LYPD6: variants seen among roughly 807,000 people sequenced by gnomAD.
LYPD6 encodes the protein LY6/PLAUR domain containing 6, also known as ly6/PLAUR domain-containing protein 6.
LYPD6 carries 15 observed loss-of-function variants against 22.7 expected under a neutral mutation model. The ratio of observed to expected loss-of-function variants is 0.66; its 90% confidence interval spans 0.44 to 1.02. LYPD6 has a LOEUF of 1.02. Ranked by LOEUF, LYPD6 falls within the 50% of genes least tolerant of loss-of-function variation. The pLI is 0.00. For synonymous variants in LYPD6, 72 were observed against 77.5 expected, an observed-to-expected ratio of 0.93 and a Z score of 0.37; for missense variants, 189 against 208.4, an observed-to-expected ratio of 0.91 and a Z score of 0.57.
At chr2:149,379,838 A>G (rs901156397) in intron 1 of LYPD6, among the ~76,000 whole-genome samples, 1 of 152,274 alleles carries the variant, frequency 6.6e-6, no homozygotes, top group African/African-American at 2.4e-5. Context: ...GTGAACAAAC[A>G]GAATCCCTAC....
intron 1 of LYPD6, among the ~76,000 whole-genome samples, chr2:149,401,933 C>G (rs1466977905): frequency 6.6e-6 from 1 of 151,906 alleles, no homozygotes; most frequent in Non-Finnish European, 1.5e-5. Flanking sequence ...CATAACTTAG[C>G]TCCAACATAT....
chr2:149,372,014 C>T (rs1681821200), intron 1 of LYPD6, among the ~76,000 whole-genome samples: 1 of 152,106 alleles, frequency 6.6e-6, no homozygotes, highest in South Asian at 2.1e-4. Flanking sequence ...TCAGGTGGCA[C>T]AATAACTTAT....
At chr2:149,364,830 G>T (rs1228353524) in intron 1 of LYPD6, among the ~76,000 whole-genome samples, 1 of 152,006 alleles carries the variant, frequency 6.6e-6, no homozygotes, top group African/African-American at 2.4e-5. Flanking sequence ...CATATCTCAC[G>T]GCAACTTTGT....
chr2:149,448,474 A>C (rs1196922765), intron 2 of LYPD6, among the ~76,000 whole-genome samples: 1 of 152,174 alleles, frequency 6.6e-6, no homozygotes, highest in Non-Finnish European at 1.5e-5. Flanking sequence ...GAGTTGAGAC[A>C]CTGAAGAATT....
chr2:149,483,179 G>C, the LYPD6 span, among the ~76,000 whole-genome samples: 1 of 152,194 alleles, frequency 6.6e-6, no homozygotes, highest in Non-Finnish European at 1.5e-5. Flanking sequence ...GCCTTTGTCT[G>C]GCACTCCAGC....
At chr2:149,452,679 C>A (rs942464499) in intron 3 of LYPD6, among the ~76,000 whole-genome samples, 2 of 152,170 alleles carry the variant, frequency 1.3e-5, no homozygotes, top group Non-Finnish European at 2.9e-5. Context: ...GTGCACACCC[C>A]AAATTGCTTA....
intron 3 of LYPD6, among the ~76,000 whole-genome samples, chr2:149,467,225 C>A (rs967743610): frequency 2.6e-5 from 4 of 152,180 alleles, no homozygotes; most frequent in Admixed American, 6.5e-5. Context: ...GGACCCTGGG[C>A]AACCTTGGAG....
intron 1 of LYPD6, among the ~76,000 whole-genome samples, chr2:149,395,201 A>G (rs1192840230): frequency 1.3e-5 from 2 of 152,018 alleles, no homozygotes; most frequent in Non-Finnish European, 2.9e-5. Flanking sequence ...TGTCACGTAG[A>G]AGCTTCTGTT....
Position 149,410,821 on chromosome 2 carries a change from A to G in LYPD6, c.-71-26817A>G, listed in dbSNP as rs73964417. On this transcript the variant is annotated intron_variant, in intron 1 of 4. Coordinates refer to ENST00000334166, the MANE Select transcript of LYPD6 (RefSeq NM_194317.5). ...AGGTGATGTGTAATACATTTGCATT[A>G]TGAAGGGCCCAGGCAAGTACAATAC... Among the ~76,000 whole-genome samples, 748 of 152,344 alleles carry G rather than the reference A, an allele frequency of 4.9e-3. 6 individuals carry two copies. Among genetic ancestry groups the G allele is most frequent in the African/African-American group, 0.017 (702 of 41,568 alleles).
At chr2:149,436,516 T>C (rs1181602807) in intron 1 of LYPD6, among the ~76,000 whole-genome samples, 1 of 152,148 alleles carries the variant, frequency 6.6e-6, no homozygotes, top group Non-Finnish European at 1.5e-5. Context: ...AAAAGGACAA[T>C]CAGAATAAAG....
At chr2:149,343,609 A>G (rs955852471) in intron 1 of LYPD6, among the ~76,000 whole-genome samples, 2 of 152,220 alleles carry the variant, frequency 1.3e-5, no homozygotes, top group Non-Finnish European at 2.9e-5. Context: ...CTGGGGGAAT[A>G]TGAGTCCAAG....
chr2:149,375,955 G>A (rs1265307900), intron 1 of LYPD6, among the ~76,000 whole-genome samples: 3 of 152,222 alleles, frequency 2.0e-5, no homozygotes, highest in African/African-American at 7.2e-5. Flanking sequence ...TACAATAGCA[G>A]CGTTTTCTTA....
downstream of LYPD6, among the ~76,000 whole-genome samples, chr2:149,478,970 C>T (rs1460524057): frequency 6.6e-6 from 1 of 152,158 alleles, no homozygotes; most frequent in Non-Finnish European, 1.5e-5. Flanking sequence ...GTACCCTCTA[C>T]AGCCAAACCT....
chr2:149,450,583 A>G (rs1683783190), intron 3 of LYPD6, among the ~76,000 whole-genome samples: 1 of 152,206 alleles, frequency 6.6e-6, no homozygotes, highest in Non-Finnish European at 1.5e-5. Context: ...GGCTTAACTG[A>G]AAACTAGATA....
chr2:149,430,075 CAT>C (rs1451830257), intron 1 of LYPD6, among the ~76,000 whole-genome samples: 2 of 152,128 alleles, frequency 1.3e-5, no homozygotes, highest in Non-Finnish European at 2.9e-5. Flanking sequence ...TCAATGGAGA[CAT>C]GTGAAAGAAT....
At chr2:149,351,211 T>A (rs560009000) in intron 1 of LYPD6, among the ~76,000 whole-genome samples, 1 of 152,134 alleles carries the variant, frequency 6.6e-6, no homozygotes, top group African/African-American at 2.4e-5. Flanking sequence ...TTGGCCAACA[T>A]GGTGAAACCC....
intron 2 of LYPD6, among the ~76,000 whole-genome samples, chr2:149,446,766 CT>C (rs1177321466): frequency 2.6e-5 from 4 of 152,070 alleles, no homozygotes; most frequent in Non-Finnish European, 2.9e-5. Flanking sequence ...CTGTTTATGA[CT>C]TTTGATCATG....
intron 1 of LYPD6, among the ~76,000 whole-genome samples, chr2:149,432,214 G>A (rs371459980): frequency 2.8e-4 from 43 of 152,232 alleles, no homozygotes; most frequent in African/African-American, 9.9e-4. Context: ...AAAGTAAAAC[G>A]TAAGACCACA....
chr2:149,390,589 C>T (rs913837564), intron 1 of LYPD6, among the ~76,000 whole-genome samples: 2 of 152,230 alleles, frequency 1.3e-5, no homozygotes, highest in African/African-American at 4.8e-5. Context: ...TTTGTTGCAG[C>T]ATTGCCCACT....
Sources: gnomAD v4.1 joint callset for allele counts (sites outside exome capture counted in the v4.1 genomes callset) on GRCh38, gnomAD v4.1.1 for gene constraint, MANE v1.5 for transcripts, NCBI Gene and HGNC (gene_info 2026-07-23, HGNC 2026-07-21) for gene names.